Variants in PMEL observed in about 807,000 individuals in gnomAD.
PMEL encodes premelanosome protein.
Under a neutral mutation model 64.9 loss-of-function variants are expected in PMEL, and 53 were observed. The ratio of observed to expected loss-of-function variants is 0.82; its 90% CI spans 0.66 to 1.03. The LOEUF is 1.03. Ranked by LOEUF, PMEL falls within the 50% of genes least tolerant of loss-of-function variation. The probability of loss-of-function intolerance (pLI) is 0.00; values close to 1 mark genes in which losing one functional copy is unlikely to be tolerated. For missense variants in PMEL, 716 were observed against 814.9 expected (o/e 0.88, Z 1.48); for synonymous variants, 299 against 316.2 (o/e 0.95, Z 0.58).
chr12:55,954,571 C>A (rs112358364), intron 10 of PMEL, among the ~76,000 whole-genome samples: 7 of 152,150 alleles, frequency 4.6e-5, no homozygotes, highest in African/African-American at 1.7e-4. Context: ...ACCATGCCAC[C>A]CCAGGCCTGG....
intron 3 of PMEL, among the ~76,000 whole-genome samples, chr12:55,960,509 C>T (rs1889058816): frequency 4.1e-5 from 6 of 147,146 alleles, no homozygotes; most frequent in Admixed American, 4.0e-4. Context: ...GGGACTACAA[C>T]TGTAATTTTC....
rs148258956 is a variant in PMEL at position 55,957,329 on chromosome 12, C to A, written c.974G>T (p.Gly325Val). The change falls in exon 6 of 11, where the codon GGC becomes GTC. Residue 325 changes from glycine to valine, a missense_variant. By Grantham distance (109) the Gly-to-Val change is moderately radical (BLOSUM62 -3). Transcript: ENST00000548747. Reference protein sequence around the residue: ...PTAEAPNTTAGQVPTTEVVGT... With the variant: ...PTAEAPNTTAVQVPTTEVVGT... The stretch of plus-strand genomic sequence containing the variant: ...CACAACTTCTGTAGTAGGCACTTGG[C>A]CAGCTGTGGTGTTAGGGGCCTCTGC... 1.1e-4 allele frequency: 176 copies of A among 1,600,464 alleles called. 1 individual carries two copies. The highest frequency in any genetic ancestry group is 2.4e-4 in the Admixed American group (14 of 59,304).
chr12:55,954,444 G>A, intron 10 of PMEL, 95 bp from the exon 11 acceptor site: 1 of 1,316,658 alleles, frequency 7.6e-7, no homozygotes, highest in Non-Finnish European at 1.1e-6. Flanking sequence ...ATCCCAGTCT[G>A]CTTAGCCTTG....
upstream of PMEL, chr12:55,966,640 G>A (rs907557204): frequency 9.5e-7 from 1 of 1,052,184 alleles, no homozygotes; most frequent in Non-Finnish European, 1.2e-6. Flanking sequence ...CGCCCCACCG[G>A]GGAAGAAACT....
At chr12:55,954,680 C>G (rs1888779577) in intron 10 of PMEL, among the ~76,000 whole-genome samples, 1 of 152,160 alleles carries the variant, frequency 6.6e-6, no homozygotes, top group South Asian at 2.1e-4. Context: ...CCAAGGTAGG[C>G]AGATCACGAG....
chr12:55,962,492 T>C (rs1307311253), intron 1 of PMEL, among the ~76,000 whole-genome samples: 5 of 147,292 alleles, frequency 3.4e-5, no homozygotes, highest in Non-Finnish European at 7.5e-5. Flanking sequence ...CCCTTATTTA[T>C]TTGTTTATTT....
intron 3 of PMEL, among the ~76,000 whole-genome samples, chr12:55,959,974 T>C (rs1889037642): frequency 6.6e-6 from 1 of 152,082 alleles, no homozygotes; most frequent in South Asian, 2.1e-4. Context: ...GCAGATCACT[T>C]GATCTCAGGA....
intron 1 of PMEL, among the ~76,000 whole-genome samples, chr12:55,964,192 G>T (rs1416358389): frequency 1.5e-5 from 2 of 135,762 alleles, no homozygotes; most frequent in African/African-American, 2.8e-5. Context: ...CGCTCTTGTT[G>T]CCCAGGCTGG....
intron 1 of PMEL, among the ~76,000 whole-genome samples, chr12:55,963,693 G>A (rs1171043779): frequency 4.6e-5 from 7 of 152,174 alleles, no homozygotes; most frequent in Non-Finnish European, 7.3e-5. Flanking sequence ...AAGGAATATA[G>A]TAAAAGAAAA....
chr12:55,955,652 C>T lies in PMEL; in HGVS notation c.1574G>A (p.Cys525Tyr). The T allele has an allele frequency of 6.2e-7, 1 of 1,612,816 alleles. No individual in the cohort carries two copies. The highest frequency in any genetic ancestry group is 1.7e-4 in the Middle Eastern group (1 of 6,054). ...GCACCCTGGCGATGAGATCTCCATGCAGGCTTCCTTGGGCAGCCTGGAAGA... is the reference window on the plus strand; with the variant it reads ...GCACCCTGGCGATGAGATCTCCATGTAGGCTTCCTTGGGCAGCCTGGAAGA... ...SCQGGLPKEA[C>Y]MEISSPGCQP... The change falls in exon 9 of 11, where the codon TGC (cysteine) becomes TAC (tyrosine). Residue 525 changes from cysteine to tyrosine, a missense_variant. Physicochemically the swap from Cys to Tyr is radical, Grantham distance 194. Coordinates refer to ENST00000548747, the MANE Select transcript of PMEL (RefSeq NM_001384361.1).
intron 1 of PMEL, among the ~76,000 whole-genome samples, chr12:55,962,448 C>CAAAAAA (rs1197796228): frequency 8.0e-5 from 3 of 37,502 alleles, no homozygotes; most frequent in East Asian, 1.2e-3. Flanking sequence ...GACTCCATCT[C>CAAAAAA]AAAAAAAAAA....
chr12:55,961,803 G>A (rs1889112366), intron 1 of PMEL, 71 bp from the exon 2 acceptor site: 2 of 900,274 alleles, frequency 2.2e-6, no homozygotes, highest in East Asian at 2.4e-5. Context: ...CTCTATTCAT[G>A]TCACTCCATT....
At chr12:55,965,784 G>T in intron 1 of PMEL, 152 bp downstream of exon 1, 1 of 859,706 alleles carries the variant, frequency 1.2e-6, no homozygotes, top group Non-Finnish European at 1.9e-6. Context: ...TCCATGTAGG[G>T]AGGGAGCCCA....
rs145935891 is a variant in PMEL at position 55,956,363 on chromosome 12, C to T, written c.1355-144G>A. ...TGGAATCAGATAAGACCTGGGAAAC[C>T]TTATTCTATAGATAAGGAAACTGAG... is the stretch of plus-strand genomic sequence containing the variant. On this transcript the variant is annotated intron_variant, in intron 6 of 10. Coordinates refer to ENST00000548747, the MANE Select transcript of PMEL (RefSeq NM_001384361.1). 13 of 611,942 alleles carry T rather than the reference C, an allele frequency of 2.1e-5. No individual in the cohort carries two copies. The African/African-American group carries it at 2.2e-4, about 10-fold the overall frequency. 37.9% of individuals were successfully genotyped at this position (611,942 alleles called of 1,614,324 possible). A position where few individuals can be genotyped will look rare whatever the true frequency, so the allele number is the denominator to read the frequency against.
chr12:55,960,459 C>T (rs1234522078), intron 3 of PMEL, among the ~76,000 whole-genome samples: 2 of 151,436 alleles, frequency 1.3e-5, no homozygotes, highest in Non-Finnish European at 2.9e-5. Flanking sequence ...TCTCGACCTC[C>T]CAGGCTCATG....
At chr12:55,961,210 AG>A in intron 3 of PMEL, 106 bp downstream of exon 3, 2 of 1,094,474 alleles carry the variant, frequency 1.8e-6, no homozygotes, top group Non-Finnish European at 1.3e-6. Context: ...GTCTCAAAAA[AG>A]AAAAAAAAAA....
At position 55,955,501 on chromosome 12, in the gene PMEL, G is replaced by A; in HGVS notation, c.1725C>T (p.Asn575=). ...GCTGGGTGCTGACCACTGCCAGGCT[G>A]TTGGTATCAGCCAGAGACACATTGA... ...YCLNVSLADT[N]SLAVVSTQLI... The change falls in exon 9 of 11, where the codon AAC becomes AAT. Residue 575 remains asparagine (N), a synonymous_variant. Transcript: ENST00000548747. The A allele has an allele frequency of 6.2e-7, 1 of 1,614,146 alleles. No individual in the cohort carries two copies. The highest frequency in any genetic ancestry group is 8.5e-7 in the Non-Finnish European group (1 of 1,180,014).
chr12:55,966,122 TGG>T (rs1384250450), upstream of PMEL: 5 of 1,564,286 alleles, frequency 3.2e-6, no homozygotes, highest in Non-Finnish European at 4.3e-6. Flanking sequence ...AGAGAAGGCC[TGG>T]GAGGGGCCGG....
intron 3 of PMEL, among the ~76,000 whole-genome samples, chr12:55,960,226 G>A (rs867285319): frequency 0.017 from 2,077 of 124,566 alleles, 86 homozygotes; most frequent in African/African-American, 0.059. Context: ...AAAAAAAAAA[G>A]AAAAGAAAAG....
Sources: allele counts gnomAD v4.1 joint callset (sites outside exome capture counted in the v4.1 genomes callset), GRCh38; gene constraint gnomAD v4.1.1; transcripts MANE v1.5; gene names NCBI Gene and HGNC (gene_info 2026-07-23, HGNC 2026-07-21).